Variants in STOX1 observed in about 807,000 individuals in gnomAD.
STOX1 encodes the protein storkhead-box protein 1.
Under a neutral mutation model 74.8 loss-of-function variants are expected in STOX1, and 57 were observed. The observed-to-expected ratio is 0.76, with a 90% CI of 0.62 to 0.95. The LOEUF (loss-of-function observed/expected upper bound fraction) is 0.95. Ranked by LOEUF, STOX1 falls within the 40% of genes least tolerant of loss-of-function variation. STOX1 has a pLI of 0.00. For missense variants in STOX1, 1,010 were observed against 1,117.0 expected (o/e 0.90, Z 1.37); for synonymous variants, 375 against 401.3 (o/e 0.93, Z 0.78).
intron 1 of STOX1, among the ~76,000 whole-genome samples, chr10:68,833,914 T>C (rs991325982): frequency 6.6e-6 from 1 of 152,220 alleles, no homozygotes; most frequent in African/African-American, 2.4e-5. Flanking sequence ...TCAAGGGAAA[T>C]AGAGTCAGGC....
rs1035239942 is a variant in STOX1, at chr10:68,846,483, C to T, written c.310+18550C>T. Among the ~76,000 whole-genome samples, 32 of 152,138 alleles carry T rather than the reference C, an allele frequency of 2.1e-4. 1 individual carries two copies. The highest frequency in any genetic ancestry group is 7.5e-4 in the African/African-American group (31 of 41,444). Reference sequence around the variant, plus strand: ...ATTATTATTTTTTGCATATGGATGTCCAATTCTTCAGGAACTCCCTTGTTG... The same window carrying T: ...ATTATTATTTTTTGCATATGGATGTTCAATTCTTCAGGAACTCCCTTGTTG... On this transcript the variant is annotated intron_variant, in intron 1 of 3. Coordinates refer to ENST00000298596, the MANE Select transcript of STOX1 (RefSeq NM_152709.5).
chr10:68,884,538 C>A lies in STOX1; in HGVS notation c.742C>A (p.Arg248=). 1 of 1,613,718 alleles carries A rather than the reference C, an allele frequency of 6.2e-7. No individual in the cohort carries two copies. The highest frequency in any genetic ancestry group is 8.5e-7 in the Non-Finnish European group (1 of 1,180,020). The change falls in exon 3 of 4, where the codon CGG becomes AGG. Residue 248 remains arginine, a synonymous_variant. Transcript: ENST00000298596. ...ISHCQSCQCF[R]DMHTQDVQEA... The stretch of plus-strand genomic sequence containing the variant: ...CCACTGTCAGTCTTGCCAGTGTTTC[C>A]GGGACATGCACACTCAGGATGTTCA...
chr10:68,886,156 A>C lies in STOX1; in HGVS notation c.2360A>C (p.Glu787Ala), dbSNP rs754798323. The change falls in exon 3 of 4, where the codon GAG (glutamate) becomes GCG (alanine). Residue 787 changes from glutamate to alanine, a missense_variant. By Grantham distance (107) the Glu-to-Ala change is moderately radical. Transcript: ENST00000298596. Reference sequence around the variant, plus strand: ...CTGACCGAGTACAACAGCACAATGGAGAGGGTTGAGTCTCAGGTGCTTAAA... The same window carrying C: ...CTGACCGAGTACAACAGCACAATGGCGAGGGTTGAGTCTCAGGTGCTTAAA... Reference protein sequence around the residue: ...RSLTEYNSTMERVESQVLKRN... With the variant: ...RSLTEYNSTMARVESQVLKRN... 6.2e-7 allele frequency: 1 copy of C among 1,614,186 alleles called. No individual in the cohort carries two copies. Among genetic ancestry groups the C allele is most frequent in the East Asian group, 2.2e-5 (1 of 44,892 alleles).
chr10:68,854,007 T>C (rs2133543940), intron 1 of STOX1, among the ~76,000 whole-genome samples: 1 of 150,652 alleles, frequency 6.6e-6, no homozygotes, highest in East Asian at 2.0e-4. Flanking sequence ...TTTTTCTTTT[T>C]CTTTTTAGAC....
chr10:68,887,449 A>AT (rs1840990226), intron 3 of STOX1, among the ~76,000 whole-genome samples: 2 of 151,866 alleles, frequency 1.3e-5, no homozygotes, highest in African/African-American at 4.8e-5. Context: ...CACCCAGCTA[A>AT]TTTTTTATTT....
chr10:68,832,014 C>G (rs539885270), intron 1 of STOX1, among the ~76,000 whole-genome samples: 3 of 151,886 alleles, frequency 2.0e-5, no homozygotes, highest in South Asian at 4.2e-4. Flanking sequence ...ATCCTCCCCC[C>G]TCGGCCTCCC....
Position 68,884,895 on chromosome 10 carries a change from C to G in STOX1, c.1099C>G (p.Pro367Ala). The G allele has an allele frequency of 6.2e-7, 1 of 1,613,882 alleles. No individual in the cohort carries two copies. The highest frequency in any genetic ancestry group is 1.1e-5 in the South Asian group (1 of 91,060). ...VEHEIIKRIN[P>A]ILTVDNLIKH... The stretch of plus-strand genomic sequence containing the variant: ...ACATGAGATAATCAAACGAATTAAC[C>G]CCATTTTGACTGTTGACAATTTAAT... Residue 367 changes from proline to alanine, a missense_variant, in exon 3 of 4, where the codon CCC (proline) becomes GCC (alanine). Pro to Ala is a conservative substitution (Grantham distance 27). Transcript: ENST00000298596.
chr10:68,878,120 C>A (rs1840724053), intron 1 of STOX1, among the ~76,000 whole-genome samples: 1 of 152,084 alleles, frequency 6.6e-6, no homozygotes, highest in African/African-American at 2.4e-5. Flanking sequence ...GTAATCAATT[C>A]AAGATCACAG....
chr10:68,860,503 G>A (rs1031347318), intron 1 of STOX1, among the ~76,000 whole-genome samples: 9 of 143,972 alleles, frequency 6.3e-5, no homozygotes, highest in South Asian at 2.3e-4. Flanking sequence ...CTGGGAGGCA[G>A]AGGTTGTAGT....
At chr10:68,874,548 T>C (rs1840628650) in intron 1 of STOX1, among the ~76,000 whole-genome samples, 1 of 152,148 alleles carries the variant, frequency 6.6e-6, no homozygotes, top group Non-Finnish European at 1.5e-5. Flanking sequence ...TTGTAACTTC[T>C]ACTCTCCTTC....
intron 1 of STOX1, among the ~76,000 whole-genome samples, chr10:68,875,070 C>T (rs895428359): frequency 2.4e-4 from 37 of 152,208 alleles, no homozygotes; most frequent in African/African-American, 8.4e-4. Context: ...TCACCTTCAA[C>T]TAATTTTTAG....
In STOX1 at chr10:68,886,188, G is replaced by GA; in HGVS notation, c.2394dup (p.Cys799MetfsTer13). Reference sequence around the variant, plus strand: ...TGAGTCTCAGGTGCTTAAAAGAAATGAATGCTACAAACCCACTGGGCTGCA... The same window carrying GA: ...TGAGTCTCAGGTGCTTAAAAGAAATGAAATGCTACAAACCCACTGGGCTGCA... On this transcript the variant is annotated frameshift_variant, in exon 3 of 4. Transcript: ENST00000298596. LOFTEE classifies it high-confidence loss of function. 1 of 1,614,166 alleles carries GA rather than the reference G, an allele frequency of 6.2e-7. No individual in the cohort carries two copies. Among genetic ancestry groups the GA allele is most frequent in the Non-Finnish European group, 8.5e-7 (1 of 1,180,020 alleles).
chr10:68,842,498 G>A (rs560994377), intron 1 of STOX1, among the ~76,000 whole-genome samples: 5 of 144,808 alleles, frequency 3.5e-5, no homozygotes, highest in Non-Finnish European at 4.5e-5. Flanking sequence ...CCTTTTTCTT[G>A]TTGATGCGAG....
chr10:68,882,713 G>T (rs976287146), intron 2 of STOX1, among the ~76,000 whole-genome samples: 1 of 151,998 alleles, frequency 6.6e-6, no homozygotes, highest in African/African-American at 2.4e-5. Flanking sequence ...TGGTTAGGCT[G>T]GTCTCGAACT....
chr10:68,858,326 T>C (rs1224399897), intron 1 of STOX1, among the ~76,000 whole-genome samples: 1 of 152,116 alleles, frequency 6.6e-6, no homozygotes, highest in African/African-American at 2.4e-5. Context: ...TTGCAAACTT[T>C]ACATTTGGTT....
chr10:68,862,069 A>G (rs548644368), intron 1 of STOX1, among the ~76,000 whole-genome samples: 1 of 152,062 alleles, frequency 6.6e-6, no homozygotes, highest in Non-Finnish European at 1.5e-5. Flanking sequence ...TGAGAGTTCC[A>G]CAGCATAGTA....
At chr10:68,866,573 T>C (rs1249106709) in intron 1 of STOX1, among the ~76,000 whole-genome samples, 1 of 152,208 alleles carries the variant, frequency 6.6e-6, no homozygotes, top group Non-Finnish European at 1.5e-5. Context: ...CAGAGGTAGA[T>C]AAAATGATTT....
At chr10:68,846,298 C>T (rs1839855636) in intron 1 of STOX1, among the ~76,000 whole-genome samples, 1 of 151,818 alleles carries the variant, frequency 6.6e-6, no homozygotes, top group Non-Finnish European at 1.5e-5. Context: ...AGGCATGCAC[C>T]ACCAGACCTG....
intron 1 of STOX1, among the ~76,000 whole-genome samples, chr10:68,852,248 G>GATTTTTTTTTTT (rs200461358): frequency 7.6e-6 from 1 of 132,210 alleles, no homozygotes; most frequent in Non-Finnish European, 1.6e-5. Context: ...TTCTCTTACT[G>GATTTTTTTTTTT]CTTTTTTTTT....
Sources: gnomAD v4.1 joint callset for allele counts (sites outside exome capture counted in the v4.1 genomes callset) on GRCh38, gnomAD v4.1.1 for gene constraint, MANE v1.5 for transcripts, NCBI Gene and HGNC (gene_info 2026-07-23, HGNC 2026-07-21) for gene names.